Variants in SMCHD1 observed in about 807,000 individuals in gnomAD.
SMCHD1 encodes the protein structural maintenance of chromosomes flexible hinge domain-containing protein 1.
SMCHD1 carries 78 observed loss-of-function variants against 254.7 expected under a neutral mutation model. The observed-to-expected ratio is 0.31, with a 90% CI of 0.26 to 0.37. The LOEUF is 0.37. Among genes scored for constraint, SMCHD1 ranks in the 10% least tolerant of loss-of-function variants. The pLI is 1.00. For missense variants in SMCHD1, 1,840 were observed against 2,408.1 expected, an observed-to-expected ratio of 0.76 and a Z score of 4.94; for synonymous variants, 766 against 794.9, an observed-to-expected ratio of 0.96 and a Z score of 0.61.
chr18:2,769,874 A>T, intron 38 of SMCHD1, 54 bp downstream of exon 38: 1 of 1,563,316 alleles, frequency 6.4e-7, no homozygotes, highest in Non-Finnish European at 8.7e-7. Context: ...TACTTTAGAT[A>T]ACCTTGTTTT....
intron 10 of SMCHD1, among the ~76,000 whole-genome samples, chr18:2,698,400 T>C (rs1239900753): frequency 6.6e-6 from 1 of 152,214 alleles, no homozygotes; most frequent in Non-Finnish European, 1.5e-5. Context: ...CTTTCTGATT[T>C]TGTCTTACTG....
intron 5 of SMCHD1, among the ~76,000 whole-genome samples, chr18:2,674,842 C>G (rs1371748723): frequency 6.6e-6 from 1 of 152,128 alleles, no homozygotes; most frequent in Non-Finnish European, 1.5e-5. Context: ...TGTTCTTTAC[C>G]TTGTCAAGAA....
intron 5 of SMCHD1, among the ~76,000 whole-genome samples, chr18:2,678,991 G>A (rs2143880478): frequency 6.6e-6 from 1 of 151,306 alleles, no homozygotes; most frequent in Admixed American, 6.6e-5. Flanking sequence ...GGGATTACAG[G>A]CATGCACCAC....
chr18:2,762,978 G>A (rs1430416437), intron 36 of SMCHD1, among the ~76,000 whole-genome samples: 1 of 152,160 alleles, frequency 6.6e-6, no homozygotes, highest in Non-Finnish European at 1.5e-5. Context: ...CAAGGCTGCA[G>A]ATTTCATGAA....
At chr18:2,689,849 T>A (rs1404727960) in intron 7 of SMCHD1, among the ~76,000 whole-genome samples, 1 of 108,100 alleles carries the variant, frequency 9.3e-6, no homozygotes, top group Non-Finnish European at 1.8e-5. Context: ...ACCTTGTCTC[T>A]ACTAAAAAAA....
In SMCHD1 at chr18:2,748,378, G is replaced by GTGTA. The variant is rs1555646658; in HGVS notation, c.3927+734_3927+735insATGT. Among the ~76,000 whole-genome samples, 3 of 55,844 alleles carry GTGTA rather than the reference G, an allele frequency of 5.4e-5. 1 individual carries two copies. The highest frequency in any genetic ancestry group is 3.1e-4 in the African/African-American group (3 of 9,550). 36.6% of individuals were successfully genotyped at this position (55,844 alleles called of 152,430 possible). A position where few individuals can be genotyped will look rare whatever the true frequency, so the allele number is the denominator to read the frequency against. On this transcript the variant is annotated intron_variant, in intron 30 of 47. Transcript: ENST00000320876. ...TGTGTGTGTGTGTGTGTGTGTGTGT[G>GTGTA]TGTGTATATAAATTTTTTTTTTTTT...
At chr18:2,722,756 C>A in intron 20 of SMCHD1, 93 bp downstream of exon 20, 2 of 1,080,140 alleles carry the variant, frequency 1.9e-6, no homozygotes, top group South Asian at 2.1e-5. Flanking sequence ...GTAAGGTGTT[C>A]AACTTTAATT....
intron 36 of SMCHD1, 91 bp from the exon 37 acceptor site, chr18:2,763,546 C>T: frequency 1.0e-6 from 1 of 1,003,788 alleles, no homozygotes; most frequent in African/African-American, 1.7e-5. Flanking sequence ...ATGTTGGGGG[C>T]TCTCTGTATT....
chr18:2,743,936 A>G lies in SMCHD1; in HGVS notation c.3801+8A>G. The G allele has an allele frequency of 6.3e-7, 1 of 1,583,892 alleles. No homozygotes were observed. The highest frequency in any genetic ancestry group is 8.6e-7 in the Non-Finnish European group (1 of 1,164,978). ...TGGCCAGAACTAAAGGAGGTAAGTC[A>G]CTTCATGTCTTCACTGAAAGAATTT... is the stretch of plus-strand genomic sequence containing the variant. On this transcript the variant is annotated splice_region_variant and intron_variant, in intron 29 of 47. Transcript: ENST00000320876.
intron 19 of SMCHD1, among the ~76,000 whole-genome samples, chr18:2,719,226 CTTTCT>C (rs1288046157): frequency 4.0e-5 from 6 of 150,120 alleles, no homozygotes; most frequent in Admixed American, 2.0e-4. Flanking sequence ...TGTTCCTTTC[CTTTCT>C]TTTCTTTTCT....
chr18:2,753,675 A>G (rs1022492136), intron 34 of SMCHD1, among the ~76,000 whole-genome samples: 2 of 152,064 alleles, frequency 1.3e-5, no homozygotes, highest in African/African-American at 4.8e-5. Context: ...CCAAGTAGCT[A>G]GGACTACAGG....
Position 2,729,407 on chromosome 18 carries a change from C to G in SMCHD1, c.3046C>G (p.Pro1016Ala), listed in dbSNP as rs769920999. 6.6e-7 allele frequency: 1 copy of G among 1,512,462 alleles called. No homozygotes were observed. Among genetic ancestry groups the G allele is most frequent in the Non-Finnish European group, 8.8e-7 (1 of 1,131,346 alleles). 93.7% of individuals were successfully genotyped at this position (1,512,462 alleles called of 1,614,324 possible). The change falls in exon 24 of 48, where the codon CCT (proline) becomes GCT (alanine). Residue 1016 changes from proline to alanine, a missense_variant and splice_region_variant. Transcript: ENST00000320876. ...GACGCTTAAAGCAAGAATTGAAATA[C>G]CTGTAAGTTATTATTGTTACTCATT... ...DQTLKARIEI[P>A]SCKDVAPVEK...
chr18:2,718,271 G>T lies in SMCHD1; in HGVS notation c.2338+36G>T, dbSNP rs779270166. 1.2e-6 allele frequency: 2 copies of T among 1,609,300 alleles called. No individual in the cohort carries two copies. The highest frequency in any genetic ancestry group is 2.2e-5 in the South Asian group (2 of 90,276). On this transcript the variant is annotated intron_variant, in intron 18 of 47. Transcript: ENST00000320876. This position sits in a 1 kb window ranked among gnomAD's most constrained non-coding sequence, Gnocchi z 4.6. ...ATTCTGAATGTTAAAAAATACATTG[G>T]TATTGTGTTGACTTGATTTTTAATT...
rs200025760 is a variant in SMCHD1, at chr18:2,758,049, T to TATAG, written c.4347-2583_4347-2580dup. ...AATCATGAGGATTAGTGTTTGCATA[T>TATAG]ATAGATAGATAGATAGATAGATATA... On this transcript the variant is annotated intron_variant, in intron 34 of 47. Transcript: ENST00000320876. Among the ~76,000 whole-genome samples the TATAG allele has an allele frequency of 5.3e-3, 805 of 151,854 alleles. 3 individuals carry two copies. The highest frequency in any genetic ancestry group is 8.5e-3 in the African/African-American group (351 of 41,500).
chr18:2,674,235 A>C, intron 5 of SMCHD1, 90 bp downstream of exon 5: 3 of 1,072,930 alleles, frequency 2.8e-6, no homozygotes, highest in Non-Finnish European at 3.9e-6. Context: ...CATATGATAC[A>C]TTGGAGGTTT....
At chr18:2,712,792 T>TG (rs2074710470) in intron 17 of SMCHD1, among the ~76,000 whole-genome samples, 1 of 152,222 alleles carries the variant, frequency 6.6e-6, no homozygotes, top group South Asian at 2.1e-4. Context: ...GTGATTTTTT[T>TG]GAATTGCAAA....
chr18:2,674,581 G>T (rs2073697499), intron 5 of SMCHD1, among the ~76,000 whole-genome samples: 1 of 152,192 alleles, frequency 6.6e-6, no homozygotes, highest in Non-Finnish European at 1.5e-5. Flanking sequence ...ATCTAGTGGA[G>T]TTATATATCA....
At chr18:2,795,773 T>C (rs1405701902) in intron 45 of SMCHD1, among the ~76,000 whole-genome samples, 176 bp from the exon 46 acceptor site, 1 of 152,252 alleles carries the variant, frequency 6.6e-6, no homozygotes, top group African/African-American at 2.4e-5. Context: ...AATTTTGTGC[T>C]GGGATCTTAA....
At position 2,732,267 on chromosome 18, in the gene SMCHD1, T is replaced by C. The variant is rs1482635177; in HGVS notation, c.3051T>C (p.Ser1017=). The part of the protein sequence containing the change: ...QTLKARIEIP[S]CKDVAPVEKT... ...TTTGTGTTTTCTTCTCTTTCTAGAG[T>C]TGTAAAGATGTGGCACCTGTGGAGA... Residue 1017 remains serine (S), a splice_region_variant and synonymous_variant, in exon 25 of 48, where the codon AGT becomes AGC. Coordinates refer to ENST00000320876, the MANE Select transcript of SMCHD1 (RefSeq NM_015295.3). 1.2e-6 allele frequency: 2 copies of C among 1,611,740 alleles called. 1 individual carries two copies. Among genetic ancestry groups the C allele is most frequent in the Non-Finnish European group, 1.7e-6 (2 of 1,178,468 alleles).
Sources: allele counts gnomAD v4.1 joint callset (sites outside exome capture counted in the v4.1 genomes callset), GRCh38; gene constraint gnomAD v4.1.1; non-coding constraint Gnocchi (gnomAD v3.1); transcripts MANE v1.5; gene names NCBI Gene and HGNC (gene_info 2026-07-23, HGNC 2026-07-21).